PLXDC2: variants seen among roughly 807,000 people sequenced by gnomAD.
The protein encoded by PLXDC2 is plexin domain containing 2.
PLXDC2 carries 40 observed loss-of-function variants against 68.9 expected under a neutral mutation model. The observed-to-expected ratio is 0.58, with a 90% CI of 0.45 to 0.76. PLXDC2 has a LOEUF of 0.76. PLXDC2 is among the 30% of genes least tolerant of loss of function. The pLI is 0.00. For missense variants in PLXDC2, 644 were observed against 661.9 expected, an observed-to-expected ratio of 0.97 and a Z score of 0.30; for synonymous variants, 243 against 234.2, an observed-to-expected ratio of 1.04 and a Z score of -0.34.
chr10:20,266,943 G>A (rs1160441705), intron 13 of PLXDC2, among the ~76,000 whole-genome samples: 3 of 152,068 alleles, frequency 2.0e-5, no homozygotes, highest in African/African-American at 2.4e-5. Context: ...ATGAAATGAC[G>A]GAAAGTTAAG....
chr10:19,951,663 A>G (rs1331402719), intron 1 of PLXDC2, among the ~76,000 whole-genome samples: 1 of 152,218 alleles, frequency 6.6e-6, no homozygotes, highest in Admixed American at 6.5e-5. Context: ...TATCCAAAAG[A>G]AAACAAATTG....
rs768738146 is a variant in PLXDC2 at position 20,177,005 on chromosome 10, G to A, written c.890G>A (p.Arg297Gln). Residue 297 changes from arginine to glutamine, a missense_variant, in exon 8 of 14, where the codon CGA (arginine) becomes CAA (glutamine). Physicochemically the swap from Arg to Gln is conservative, Grantham distance 43 (BLOSUM62 1). Around this residue, in one of 3 missense-constraint regions of PLXDC2, gnomAD observed 330 missense variants for 327.9 expected, o/e 1.01. Transcript: ENST00000377252. ...TTTTTCCTTTTTTTTCTAGATGTTCGAAGAAGAACAATTTATGAATACCAC... is the reference window on the plus strand; with the variant it reads ...TTTTTCCTTTTTTTTCTAGATGTTCAAAGAAGAACAATTTATGAATACCAC... Reference protein sequence around the residue: ...VHRIQQIPNVRRRTIYEYHRV... With the variant: ...VHRIQQIPNVQRRTIYEYHRV... The A allele has an allele frequency of 7.5e-6, 12 of 1,594,150 alleles. No individual in the cohort carries two copies. The highest frequency in any genetic ancestry group is 2.2e-5 in the East Asian group (1 of 44,610).
intron 12 of PLXDC2, among the ~76,000 whole-genome samples, chr10:20,234,961 A>C (rs1835414426): frequency 6.6e-6 from 1 of 152,156 alleles, no homozygotes; most frequent in Non-Finnish European, 1.5e-5. Flanking sequence ...AAAGAACTTG[A>C]GATTGATTTC....
intron 12 of PLXDC2, among the ~76,000 whole-genome samples, chr10:20,227,613 A>G (rs760653300): frequency 3.3e-5 from 5 of 152,148 alleles, no homozygotes; most frequent in Non-Finnish European, 7.3e-5. Context: ...CTCACCAGCC[A>G]TAAAGTATCA....
chr10:19,946,142 A>G (rs1329962831), intron 1 of PLXDC2, among the ~76,000 whole-genome samples: 1 of 152,154 alleles, frequency 6.6e-6, no homozygotes, highest in African/African-American at 2.4e-5. Context: ...GCTCAGTTGA[A>G]TCTGCTGATT....
intron 12 of PLXDC2, among the ~76,000 whole-genome samples, 186 bp from the exon 13 acceptor site, chr10:20,245,159 G>T (rs1018523094): frequency 6.6e-6 from 1 of 152,134 alleles, no homozygotes; most frequent in Non-Finnish European, 1.5e-5. Context: ...TTTTACTCAT[G>T]AATCCTATGG....
chr10:20,148,781 G>A (rs1834112112), intron 6 of PLXDC2, among the ~76,000 whole-genome samples: 1 of 152,086 alleles, frequency 6.6e-6, no homozygotes, highest in African/African-American at 2.4e-5. Flanking sequence ...TCAGCTGAGG[G>A]ATTACTTTTT....
At chr10:20,164,141 G>T (rs1834342102) in intron 6 of PLXDC2, among the ~76,000 whole-genome samples, 1 of 152,006 alleles carries the variant, frequency 6.6e-6, no homozygotes, top group Admixed American at 6.5e-5. Flanking sequence ...ATTATAGCCA[G>T]CACTAAATGA....
chr10:19,951,890 C>T (rs1401257446), intron 1 of PLXDC2, among the ~76,000 whole-genome samples: 1 of 152,114 alleles, frequency 6.6e-6, no homozygotes, highest in East Asian at 1.9e-4. Flanking sequence ...CCAGTGAATA[C>T]AGGAACAGAT....
At chr10:20,014,863 A>G (rs1308296105) in intron 2 of PLXDC2, among the ~76,000 whole-genome samples, 2 of 151,534 alleles carry the variant, frequency 1.3e-5, no homozygotes, top group African/African-American at 2.4e-5. Flanking sequence ...TTCCTTAAGG[A>G]CAATGTTGAA....
intron 4 of PLXDC2, among the ~76,000 whole-genome samples, chr10:20,089,824 T>A (rs1274381103): frequency 1.3e-5 from 2 of 152,222 alleles, no homozygotes; most frequent in East Asian, 3.8e-4. Flanking sequence ...AATAATTAAC[T>A]GATATAAGAA....
chr10:20,023,337 G>A (rs370749470), intron 2 of PLXDC2, among the ~76,000 whole-genome samples: 4 of 151,756 alleles, frequency 2.6e-5, no homozygotes, highest in Non-Finnish European at 2.9e-5. Context: ...AACATTTCTC[G>A]ATGTCATAAA....
At chr10:20,178,556 A>G (rs1408917536) in intron 9 of PLXDC2, among the ~76,000 whole-genome samples, 2 of 152,116 alleles carry the variant, frequency 1.3e-5, no homozygotes, top group African/African-American at 4.8e-5. Context: ...TCATGCTGTT[A>G]ATCCGTGTAT....
chr10:20,248,106 A>G (rs1185015390), intron 13 of PLXDC2, among the ~76,000 whole-genome samples: 3 of 152,194 alleles, frequency 2.0e-5, no homozygotes, highest in African/African-American at 7.2e-5. Flanking sequence ...GCCTTTTCAA[A>G]CTGTGCAGTT....
At chr10:19,906,591 G>A (rs768522720) in intron 1 of PLXDC2, among the ~76,000 whole-genome samples, 38 of 152,090 alleles carry the variant, frequency 2.5e-4, no homozygotes, top group Non-Finnish European at 4.3e-4. Context: ...GTGGTTAGGG[G>A]TGTGGGTCAT....
chr10:20,064,418 C>A (rs1836164085), intron 3 of PLXDC2, among the ~76,000 whole-genome samples: 1 of 151,974 alleles, frequency 6.6e-6, no homozygotes, highest in African/African-American at 2.4e-5. Context: ...GATGGGGTTT[C>A]ACCGTGTTAG....
intron 1 of PLXDC2, among the ~76,000 whole-genome samples, chr10:19,894,884 C>G (rs1041902664): frequency 4.6e-5 from 7 of 152,110 alleles, no homozygotes; most frequent in Non-Finnish European, 1.0e-4. Context: ...CTTCAAAGAT[C>G]TAGAACTAGA....
chr10:19,870,447 A>G (rs752433171), intron 1 of PLXDC2, among the ~76,000 whole-genome samples: 4 of 151,610 alleles, frequency 2.6e-5, no homozygotes, highest in Non-Finnish European at 4.4e-5. Context: ...ATTTTTTGAG[A>G]CAGAGTCTTG....
intron 1 of PLXDC2, among the ~76,000 whole-genome samples, chr10:19,863,824 A>T (rs79290678): frequency 8.6e-5 from 13 of 151,664 alleles, no homozygotes; most frequent in South Asian, 4.2e-4. Context: ...CTATTCAAAA[A>T]TTTTTTAATA....
Sources: gnomAD v4.1 joint callset for allele counts (sites outside exome capture counted in the v4.1 genomes callset) on GRCh38, gnomAD v4.1.1 for gene constraint, gnomAD v4.1.1 regional missense constraint, MANE v1.5 for transcripts, NCBI Gene and HGNC (gene_info 2026-07-23, HGNC 2026-07-21) for gene names.